Variants in CAST observed in about 807,000 individuals in gnomAD.
The protein encoded by CAST is calpastatin.
CAST carries 76 observed loss-of-function variants against 119.6 expected under a neutral mutation model. That is an observed-to-expected ratio of 0.64 (90% CI 0.53 to 0.77). CAST has a LOEUF of 0.77. CAST is among the 30% of genes least tolerant of loss of function. CAST has a pLI of 0.00. For synonymous variants in CAST, 319 were observed against 331.6 expected (o/e 0.96, Z 0.41); for missense variants, 953 against 946.5 (o/e 1.01, Z -0.09).
intron 1 of CAST, among the ~76,000 whole-genome samples, chr5:96,563,739 C>T (rs1746423775): frequency 6.6e-6 from 1 of 152,126 alleles, no homozygotes; most frequent in African/African-American, 2.4e-5. Context: ...TACTGAATTC[C>T]ATTGCTAATT....
rs185007171 is a variant in CAST, at chr5:96,622,009, G to C, written c.61-53530G>C. On this transcript the variant is annotated intron_variant, in intron 1 of 11. Transcript: ENST00000505143. ...TTTTGAGATGGAGTCTCACTCTGTT[G>C]CCCGGGCTGGAGTGCAGTGGCGCAA... is the stretch of plus-strand genomic sequence containing the variant. Among the ~76,000 whole-genome samples, 305 of 110,118 alleles carry C rather than the reference G, an allele frequency of 2.8e-3. 1 individual carries two copies. Among genetic ancestry groups the C allele is most frequent in the Non-Finnish European group, 2.8e-3 (167 of 59,410 alleles). 72.2% of individuals were successfully genotyped at this position (110,118 alleles called of 152,430 possible).
At chr5:96,556,076 C>T (rs776846152) in intron 1 of CAST, among the ~76,000 whole-genome samples, 30 of 152,214 alleles carry the variant, frequency 2.0e-4, no homozygotes, top group Admixed American at 3.3e-4. Flanking sequence ...CTGCAGCCTC[C>T]GCTGCTTATA....
At chr5:96,201,318 A>G in the CAST span, among the ~76,000 whole-genome samples, 1 of 152,142 alleles carries the variant, frequency 6.6e-6, no homozygotes, top group Non-Finnish European at 1.5e-5. Flanking sequence ...CCTGTTTCTA[A>G]TGAGTTTAGA....
chr5:96,597,802 G>C (rs1292322369), intron 1 of CAST, among the ~76,000 whole-genome samples: 1 of 152,130 alleles, frequency 6.6e-6, no homozygotes, highest in Non-Finnish European at 1.5e-5. Flanking sequence ...ACCCTGCTAA[G>C]TAAATATCAT....
chr5:96,468,158 T>C, the CAST span, among the ~76,000 whole-genome samples: 7 of 151,994 alleles, frequency 4.6e-5, no homozygotes, highest in Admixed American at 3.9e-4. Context: ...TGTTCTTATT[T>C]ATAAGTAAGA....
chr5:96,199,382 T>C, the CAST span, among the ~76,000 whole-genome samples: 2 of 152,170 alleles, frequency 1.3e-5, no homozygotes, highest in Non-Finnish European at 2.9e-5. Flanking sequence ...TGTCTTCTAG[T>C]AAAAATCTGT....
chr5:96,435,007 A>C, the CAST span, among the ~76,000 whole-genome samples: 1 of 152,184 alleles, frequency 6.6e-6, no homozygotes, highest in Non-Finnish European at 1.5e-5. Context: ...ACATGTGTGA[A>C]TGTTGATGGC....
the CAST span, among the ~76,000 whole-genome samples, chr5:96,500,957 A>T: frequency 2.1e-4 from 32 of 152,240 alleles, no homozygotes; most frequent in Admixed American, 2.1e-3. Flanking sequence ...CTTAGGTGAC[A>T]AGAAATGCCT....
At chr5:96,362,247 G>T in the CAST span, among the ~76,000 whole-genome samples, 1 of 152,112 alleles carries the variant, frequency 6.6e-6, no homozygotes, top group African/African-American at 2.4e-5. Flanking sequence ...TGGACATTTG[G>T]GTTGGTTCCA....
the CAST span, among the ~76,000 whole-genome samples, chr5:96,108,993 G>A: frequency 6.6e-6 from 1 of 152,250 alleles, no homozygotes; most frequent in Non-Finnish European, 1.5e-5. Context: ...TTTTCCAGGT[G>A]CCGTCTGTCA....
chr5:96,358,019 G>A, the CAST span, among the ~76,000 whole-genome samples: 3 of 152,124 alleles, frequency 2.0e-5, no homozygotes, highest in African/African-American at 7.2e-5. Context: ...CTTGTTATTG[G>A]TCTATTCAGA....
the CAST span, among the ~76,000 whole-genome samples, chr5:96,037,030 C>T: frequency 6.6e-6 from 1 of 152,054 alleles, no homozygotes; most frequent in East Asian, 1.9e-4. Flanking sequence ...TGTGACCTAG[C>T]CTCTTTGAAT....
At position 96,530,794 on chromosome 5, in the gene CAST, T is replaced by A. The variant is rs188587781; in HGVS notation, c.60+914T>A. Among the ~76,000 whole-genome samples, 213 of 152,242 alleles carry A rather than the reference T, an allele frequency of 1.4e-3. No homozygotes were observed. In the Middle Eastern group the frequency reaches 0.024, roughly 17 times the overall value. ...CTCTAGCAAAAAATAGCAACTTTTTTTAAAAATTTTCTCTTGAGAATGGCT... is the reference window on the plus strand; with the variant it reads ...CTCTAGCAAAAAATAGCAACTTTTTATAAAAATTTTCTCTTGAGAATGGCT... On this transcript the variant is annotated intron_variant, in intron 1 of 11. Transcript: ENST00000505143.
intron 4 of CAST, among the ~76,000 whole-genome samples, chr5:96,724,860 T>C (rs1224486444): frequency 1.3e-5 from 2 of 151,944 alleles, no homozygotes; most frequent in Non-Finnish European, 2.9e-5. Flanking sequence ...AATAATCTCA[T>C]TGAATTTAGA....
At chr5:96,197,375 T>C in the CAST span, among the ~76,000 whole-genome samples, 4 of 152,190 alleles carry the variant, frequency 2.6e-5, no homozygotes. Flanking sequence ...TCAGTTTTCA[T>C]GCTGCTTTTC....
intron 1 of CAST, among the ~76,000 whole-genome samples, chr5:96,552,609 A>C (rs541725589): frequency 8.5e-5 from 13 of 152,336 alleles, no homozygotes; most frequent in African/African-American, 2.9e-4. Context: ...AAAGCCCTTC[A>C]AAAAATCAGT....
the CAST span, among the ~76,000 whole-genome samples, chr5:96,450,149 C>A: frequency 6.6e-6 from 1 of 152,178 alleles, no homozygotes; most frequent in African/African-American, 2.4e-5. Flanking sequence ...GTCATGGATT[C>A]CACCTAAGTG....
chr5:96,706,264 T>C (rs1754946153), intron 3 of CAST, among the ~76,000 whole-genome samples: 1 of 152,248 alleles, frequency 6.6e-6, no homozygotes, highest in Non-Finnish European at 1.5e-5. Context: ...CTAAAGATTA[T>C]AGAGTGGATA....
At chr5:96,552,040 C>CT (rs1746140685) in intron 1 of CAST, among the ~76,000 whole-genome samples, 1 of 152,240 alleles carries the variant, frequency 6.6e-6, no homozygotes, top group South Asian at 2.1e-4. Context: ...ATATCCACGA[C>CT]TTGAACTCAG....
Sources: allele counts gnomAD v4.1 joint callset (sites outside exome capture counted in the v4.1 genomes callset), GRCh38; gene constraint gnomAD v4.1.1; transcripts MANE v1.5; gene names NCBI Gene and HGNC (gene_info 2026-07-23, HGNC 2026-07-21).